Variants in BRD1 observed in about 807,000 individuals in gnomAD.
The protein encoded by BRD1 is bromodomain containing 1.
A neutral mutation model predicts 107.7 loss-of-function variants in BRD1; 24 were observed. The observed-to-expected ratio is 0.22, with a 90% CI of 0.16 to 0.31. BRD1 has a LOEUF of 0.31. Among genes scored for constraint, BRD1 ranks in the 10% least tolerant of loss-of-function variants. The pLI is 1.00. For missense variants in BRD1, 1,279 were observed against 1,638.6 expected, an observed-to-expected ratio of 0.78 and a Z score of 3.79; for synonymous variants, 744 against 686.1, an observed-to-expected ratio of 1.08 and a Z score of -1.32.
intron 5 of BRD1, 131 bp from the exon 6 acceptor site, chr22:49,798,248 G>T: frequency 9.8e-7 from 1 of 1,020,906 alleles, no homozygotes. Context: ...AGACGGTACA[G>T]ACATAAGACC....
At chr22:49,775,825 G>T in intron 11 of BRD1, 80 bp from the exon 12 acceptor site, 9 of 937,090 alleles carry the variant, frequency 9.6e-6, no homozygotes, top group South Asian at 7.2e-5. Context: ...ACCCCCCCCC[G>T]CCTCCCCACC....
chr22:49,821,969 G>T (rs960440406), intron 2 of BRD1, among the ~76,000 whole-genome samples: 3 of 152,214 alleles, frequency 2.0e-5, no homozygotes, highest in Admixed American at 6.5e-5. Context: ...TGCAGCAAGT[G>T]GGGGGCACAG....
intron 2 of BRD1, chr22:49,807,322 T>C (rs981027613): frequency 2.6e-5 from 4 of 152,082 alleles, no homozygotes; most frequent in African/African-American, 9.7e-5. Context: ...AACAGCCAAA[T>C]CACCTTGAAA....
chr22:49,822,973 C>T lies in BRD1; in HGVS notation c.1345G>A (p.Ala449Thr), dbSNP rs764429512. The T allele has an allele frequency of 6.2e-7, 1 of 1,614,056 alleles. No individual in the cohort carries two copies. The highest frequency in any genetic ancestry group is 1.7e-5 in the Admixed American group (1 of 59,990). ...TACCTCTGCGGGGGAATATAAGGAG[C>T]GCACACGGTCGGCAGGACCGCGCAG... is the stretch of plus-strand genomic sequence containing the variant. Reference protein sequence around the residue: ...EPCAVLPTVCAPYIPPQRLNR... With the variant: ...EPCAVLPTVCTPYIPPQRLNR... The change falls in exon 2 of 13, where the codon GCT (alanine) becomes ACT (threonine). Residue 449 changes from alanine to threonine, a missense_variant. Coordinates refer to ENST00000404760, the MANE Select transcript of BRD1 (RefSeq NM_001304808.3).
chr22:49,796,458 G>A (rs1024290178), intron 6 of BRD1, among the ~76,000 whole-genome samples: 1 of 151,928 alleles, frequency 6.6e-6, no homozygotes, highest in Non-Finnish European at 1.5e-5. Flanking sequence ...CCAGGTTCAA[G>A]CGATTCTCCT....
At chr22:49,781,909 A>T (rs2059215887) in intron 8 of BRD1, among the ~76,000 whole-genome samples, 1 of 152,026 alleles carries the variant, frequency 6.6e-6, no homozygotes, top group Non-Finnish European at 1.5e-5. Flanking sequence ...GGGGACGGTC[A>T]GAGACCGACC....
At position 49,798,657 on chromosome 22, in the gene BRD1, C is replaced by T. The variant is rs541232200; in HGVS notation, c.1686G>A (p.Leu562=). The change falls in exon 5 of 13, where the codon CTG becomes CTA. Residue 562 remains leucine, a synonymous_variant. Transcript: ENST00000404760. The part of the protein sequence containing the change: ...QVKVEQVAME[L]RLTPLTVLLR... ...GCAGCACCGTCAGCGGGGTCAGCCG[C>T]AGCTCCATGGCGACCTGCTCCACCT... is the stretch of plus-strand genomic sequence containing the variant. 1.2e-6 allele frequency: 2 copies of T among 1,612,194 alleles called. No individual in the cohort carries two copies. The highest frequency in any genetic ancestry group is 2.2e-5 in the East Asian group (1 of 44,842).
chr22:49,782,970 A>G (rs1210256322), intron 8 of BRD1, among the ~76,000 whole-genome samples: 9 of 131,550 alleles, frequency 6.8e-5, no homozygotes, highest in Admixed American at 1.5e-4. Flanking sequence ...ACAGACCCAA[A>G]GCCCATCTTG....
At chr22:49,821,284 A>G (rs749120136) in intron 2 of BRD1, among the ~76,000 whole-genome samples, 6 of 152,216 alleles carry the variant, frequency 3.9e-5, no homozygotes, top group Non-Finnish European at 7.3e-5. Context: ...TCATTTTGTT[A>G]GATCACATTT....
At chr22:49,820,283 C>T (rs1056421446) in intron 2 of BRD1, among the ~76,000 whole-genome samples, 4 of 152,216 alleles carry the variant, frequency 2.6e-5, no homozygotes, top group East Asian at 3.8e-4. Flanking sequence ...ATCTCTAAAA[C>T]GCTGCTCAGA....
Position 49,798,044 on chromosome 22 carries a change from C to T in BRD1, c.1859G>A (p.Gly620Glu), listed in dbSNP as rs1393834078. 1 of 1,614,134 alleles carries T rather than the reference C, an allele frequency of 6.2e-7. No individual in the cohort carries two copies. Among genetic ancestry groups the T allele is most frequent in the Non-Finnish European group, 8.5e-7 (1 of 1,180,006 alleles). Residue 620 changes from glycine (G) to glutamate (E), a missense_variant, in exon 6 of 13, where the codon GGG becomes GAG. Transcript: ENST00000404760. Reference sequence around the variant, plus strand: ...CTCAAACTCATGGAGGTTTTTATACCCTTGAGCTTCTAACCGTTTCCTCAT... The same window carrying T: ...CTCAAACTCATGGAGGTTTTTATACTCTTGAGCTTCTAACCGTTTCCTCAT... ...ATMRKRLEAQGYKNLHEFEED... is the reference protein window; with the variant it reads ...ATMRKRLEAQEYKNLHEFEED...
At position 49,794,277 on chromosome 22, in the gene BRD1, G is replaced by T; in HGVS notation, c.2116C>A (p.Pro706Thr). Residue 706 changes from proline (P) to threonine (T), a missense_variant, in exon 7 of 13, where the codon CCC (proline) becomes ACC (threonine). Physicochemically the swap from Pro to Thr is conservative, Grantham distance 38. Around this residue, in one of 7 missense-constraint regions of BRD1, gnomAD observed 406 missense variants for 519.4 expected, o/e 0.78. Transcript: ENST00000404760. ...SWEDVDRLLDPANRAHLGLEE... is the reference protein window; with the variant it reads ...SWEDVDRLLDTANRAHLGLEE... ...AGGCCCAGGTGGGCTCTGTTGGCGG[G>T]GTCCAGCAACCTGTCCACTGAACCA... is the stretch of plus-strand genomic sequence containing the variant. 1 of 1,611,462 alleles carries T rather than the reference G, an allele frequency of 6.2e-7. No homozygotes were observed.
Position 49,823,518 on chromosome 22 carries a change from C to A in BRD1, c.800G>T (p.Arg267Leu). 6.2e-7 allele frequency: 1 copy of A among 1,601,466 alleles called. No homozygotes were observed. Among genetic ancestry groups the A allele is most frequent in the Non-Finnish European group, 8.5e-7 (1 of 1,173,912 alleles). Residue 267 changes from arginine (R) to leucine (L), a missense_variant, in exon 2 of 13, where the codon CGG (arginine) becomes CTG (leucine). Coordinates refer to ENST00000404760, the MANE Select transcript of BRD1 (RefSeq NM_001304808.3). ...GGGGCACAGCACACAGTCGGCGGGCCGGGCCCGCGACTGCAGGCAGTGGCG... is the reference window on the plus strand; with the variant it reads ...GGGGCACAGCACACAGTCGGCGGGCAGGGCCCGCGACTGCAGGCAGTGGCG... The part of the protein sequence containing the change: ...LCRHCLQSRA[R>L]PADCVLCPNK...
chr22:49,792,130 C>G lies in BRD1; in HGVS notation c.2359+1904G>C, dbSNP rs556117631. On this transcript the variant is annotated intron_variant, in intron 7 of 12. Transcript: ENST00000404760. The surrounding 1 kb of genome is among the most constrained non-coding windows in gnomAD (Gnocchi z 4.2). ...TCAGTCCTGTGACCCAATAACCGTG[C>G]GGGGTCCTCAGCCCTGTGACCCAAT... 3.3e-5 allele frequency among the ~76,000 whole-genome samples: 5 copies of G among 151,860 alleles called. No individual in the cohort carries two copies. The highest frequency in any genetic ancestry group is 3.3e-4 in the Admixed American group (5 of 15,256).
intron 3 of BRD1, among the ~76,000 whole-genome samples, chr22:49,799,768 C>T (rs575774565): frequency 1.3e-4 from 20 of 152,392 alleles, no homozygotes; most frequent in Non-Finnish European, 2.2e-4. Flanking sequence ...CCAACATCCA[C>T]ACCAGGGTGA....
At chr22:49,776,219 C>T in intron 10 of BRD1, 60 bp from the exon 11 acceptor site, 2 of 1,466,534 alleles carry the variant, frequency 1.4e-6, no homozygotes, top group Non-Finnish European at 1.9e-6. Flanking sequence ...ACGCCCCGCC[C>T]CCCCACAAAA....
chr22:49,775,560 G>A (rs745742847), intron 12 of BRD1, 31 bp downstream of exon 12: 47 of 1,419,318 alleles, frequency 3.3e-5, no homozygotes, highest in South Asian at 5.3e-5. Context: ...CACCCCAGCC[G>A]GTCCCCGGAG....
At position 49,776,116 on chromosome 22, in the gene BRD1, G is replaced by C. The variant is rs768789408; in HGVS notation, c.3165C>G (p.Ala1055=). ...SSMWISTDAA[A]SVLEPLKVVW... ...CCACCTTCAGAGGCTCCAGCACCGAGGCGGCGGCATCAGTGGAGATCCACA... is the reference window on the plus strand; with the variant it reads ...CCACCTTCAGAGGCTCCAGCACCGACGCGGCGGCATCAGTGGAGATCCACA... The change falls in exon 11 of 13, where the codon GCC becomes GCG. Residue 1055 remains alanine (A), a synonymous_variant. Transcript: ENST00000404760. 6.2e-7 allele frequency: 1 copy of C among 1,605,208 alleles called. No homozygotes were observed. The highest frequency in any genetic ancestry group is 8.5e-7 in the Non-Finnish European group (1 of 1,179,218).
In BRD1 at chr22:49,804,304, C is replaced by T. The variant is rs2059700131; in HGVS notation, c.1424G>A (p.Arg475Gln). 1 of 1,610,582 alleles carries T rather than the reference C, an allele frequency of 6.2e-7. No homozygotes were observed. Reference protein sequence around the residue: ...AIQRKKQFVERAHSYWLLKRL... With the variant: ...AIQRKKQFVEQAHSYWLLKRL... Reference sequence around the variant, plus strand: ...CTTGAGCAGCCAGTAGCTGTGGGCTCGCTCCACAAACTGCTTCTTCCGCTG... The same window carrying T: ...CTTGAGCAGCCAGTAGCTGTGGGCTTGCTCCACAAACTGCTTCTTCCGCTG... The change falls in exon 3 of 13, where the codon CGA becomes CAA. Residue 475 changes from arginine (R) to glutamine (Q), a missense_variant. Physicochemically the swap from Arg to Gln is conservative, Grantham distance 43 (BLOSUM62 1). Transcript: ENST00000404760.
Sources: allele counts gnomAD v4.1 joint callset (sites outside exome capture counted in the v4.1 genomes callset), GRCh38; gene constraint gnomAD v4.1.1; regional missense constraint gnomAD v4.1.1; non-coding constraint Gnocchi (gnomAD v3.1); transcripts MANE v1.5; gene names NCBI Gene and HGNC (gene_info 2026-07-23, HGNC 2026-07-21).